Variants in GRM8 observed in about 807,000 individuals in gnomAD.
GRM8 encodes metabotropic glutamate receptor 8.
In GRM8, 47 loss-of-function variants were observed where a neutral mutation model predicts 87.2. The ratio of observed to expected loss-of-function variants is 0.54; its 90% CI spans 0.43 to 0.69. GRM8 has a LOEUF of 0.69. Ranked by LOEUF, GRM8 falls within the 30% of genes least tolerant of loss-of-function variation. The probability of loss-of-function intolerance (pLI) is 0.00; values close to 1 mark genes in which losing one functional copy is unlikely to be tolerated. For missense variants in GRM8, 1,019 were observed against 1,139.2 expected, an observed-to-expected ratio of 0.89 and a Z score of 1.52; for synonymous variants, 396 against 404.5, an observed-to-expected ratio of 0.98 and a Z score of 0.25.
At chr7:126,500,466 T>A (rs897058283) in intron 9 of GRM8, among the ~76,000 whole-genome samples, 1 of 151,936 alleles carries the variant, frequency 6.6e-6, no homozygotes, top group Non-Finnish European at 1.5e-5. Context: ...TCAATTCCTG[T>A]CATCCTCCTA....
At chr7:126,689,450 A>G (rs1808556109) in intron 7 of GRM8, among the ~76,000 whole-genome samples, 1 of 152,238 alleles carries the variant, frequency 6.6e-6, no homozygotes, top group African/African-American at 2.4e-5. Flanking sequence ...TACATGGCTA[A>G]TAGAAGAAAA....
At chr7:126,622,095 T>C (rs12538796) in intron 7 of GRM8, among the ~76,000 whole-genome samples, 48,691 of 152,064 alleles carry the variant, frequency 0.32, 8,433 homozygotes, top group East Asian at 0.43. Flanking sequence ...CCCAAGAAGC[T>C]GAACATTGTT....
chr7:126,876,937 TA>T (rs34353722), intron 6 of GRM8, among the ~76,000 whole-genome samples: 250 of 147,024 alleles, frequency 1.7e-3, no homozygotes, highest in African/African-American at 4.5e-3. Context: ...ACAAACTCTT[TA>T]AAAAAAAAAA....
chr7:127,151,115 C>T (rs2133314628), intron 2 of GRM8, among the ~76,000 whole-genome samples: 1 of 152,088 alleles, frequency 6.6e-6, no homozygotes, highest in South Asian at 2.1e-4. Flanking sequence ...CTCCTTGGTA[C>T]ACAAGGACTC....
At chr7:127,057,989 T>C (rs1334133197) in intron 3 of GRM8, 3 of 282,044 alleles carry the variant, frequency 1.1e-5, no homozygotes, top group African/African-American at 7.0e-5. Flanking sequence ...CTGTAATTTA[T>C]AGTTCAGCTG....
At chr7:126,653,405 C>T (rs1242389941) in intron 7 of GRM8, among the ~76,000 whole-genome samples, 1 of 151,606 alleles carries the variant, frequency 6.6e-6, no homozygotes, top group Non-Finnish European at 1.5e-5. Context: ...CAGAAATGGC[C>T]AAATAAGTGG....
intron 7 of GRM8, among the ~76,000 whole-genome samples, chr7:126,666,309 T>C (rs1022009191): frequency 2.0e-5 from 3 of 152,170 alleles, no homozygotes; most frequent in Non-Finnish European, 2.9e-5. Context: ...TAATAGCAGA[T>C]ATTGAGATGA....
rs80123533 is a variant in GRM8, at chr7:126,457,332, G to T, written c.2431-10960C>A. Among the ~76,000 whole-genome samples the T allele has an allele frequency of 4.0e-3, 603 of 151,398 alleles. 4 individuals carry two copies. Among genetic ancestry groups the T allele is most frequent in the African/African-American group, 0.013 (558 of 41,422 alleles). On this transcript the variant is annotated intron_variant, in intron 9 of 10. Coordinates refer to ENST00000339582, the MANE Select transcript of GRM8 (RefSeq NM_000845.3). ...ATGAATCTTAAGTCCTAGAAAGAAA[G>T]GAGAGATATAATAGATAAAAAGAAA...
intron 7 of GRM8, among the ~76,000 whole-genome samples, chr7:126,631,543 G>T (rs957092305): frequency 1.2e-4 from 18 of 151,534 alleles, no homozygotes; most frequent in African/African-American, 4.1e-4. Context: ...TCTTAAAATT[G>T]ATATTAAAAA....
At chr7:127,180,352 A>G (rs1378900070) in intron 2 of GRM8, among the ~76,000 whole-genome samples, 6 of 152,078 alleles carry the variant, frequency 3.9e-5, no homozygotes, top group Non-Finnish European at 4.4e-5. Context: ...TTGAAATGGT[A>G]ATTTTTAAAT....
intron 2 of GRM8, among the ~76,000 whole-genome samples, chr7:127,241,652 G>T (rs1400798729): frequency 3.3e-5 from 5 of 152,000 alleles, no homozygotes; most frequent in African/African-American, 1.2e-4. Flanking sequence ...AGCCAGGATG[G>T]TCTCAATCTC....
intron 8 of GRM8, among the ~76,000 whole-genome samples, chr7:126,568,349 G>A (rs1794418730): frequency 6.6e-6 from 1 of 152,172 alleles, no homozygotes; most frequent in Admixed American, 6.5e-5. Flanking sequence ...TTCCACATAA[G>A]CCATTACTTT....
chr7:127,241,646 A>G (rs1798309735), intron 2 of GRM8, among the ~76,000 whole-genome samples: 1 of 152,130 alleles, frequency 6.6e-6, no homozygotes, highest in Non-Finnish European at 1.5e-5. Context: ...CGTGTTAGCC[A>G]GGATGGTCTC....
chr7:126,819,875 T>C (rs950791), intron 6 of GRM8, among the ~76,000 whole-genome samples: 144,367 of 152,042 alleles, frequency 0.95, 68,605 homozygotes, highest in East Asian at 1. Context: ...ATCAGCTTTT[T>C]CAATTAAAAA....
At chr7:127,200,127 A>G (rs924447129) in intron 2 of GRM8, among the ~76,000 whole-genome samples, 7 of 152,202 alleles carry the variant, frequency 4.6e-5, no homozygotes, top group African/African-American at 1.2e-4. Flanking sequence ...GGAGAATTCC[A>G]TTATAAAAAT....
intron 3 of GRM8, among the ~76,000 whole-genome samples, chr7:126,942,263 C>T (rs760992299): frequency 2.6e-5 from 4 of 152,182 alleles, no homozygotes; most frequent in Non-Finnish European, 5.9e-5. Flanking sequence ...GAAATACTTG[C>T]CGTGTGGTCC....
chr7:126,926,345 A>T (rs1805118214), intron 3 of GRM8, among the ~76,000 whole-genome samples: 1 of 152,052 alleles, frequency 6.6e-6, no homozygotes, highest in African/African-American at 2.4e-5. Context: ...TACACCCCTC[A>T]CTGTGCTTAA....
chr7:126,727,126 C>A (rs1290989606), intron 7 of GRM8, among the ~76,000 whole-genome samples: 2 of 150,930 alleles, frequency 1.3e-5, no homozygotes, highest in Non-Finnish European at 3.0e-5. Flanking sequence ...ATATTTAAAC[C>A]AAATATTTAA....
At chr7:126,702,780 T>C (rs1229711767) in intron 7 of GRM8, among the ~76,000 whole-genome samples, 1 of 152,110 alleles carries the variant, frequency 6.6e-6, no homozygotes, top group Non-Finnish European at 1.5e-5. Context: ...TTCTAAAAAA[T>C]TGTAAGCACT....
Sources: allele counts gnomAD v4.1 joint callset (sites outside exome capture counted in the v4.1 genomes callset), GRCh38; gene constraint gnomAD v4.1.1; transcripts MANE v1.5; gene names NCBI Gene and HGNC (gene_info 2026-07-23, HGNC 2026-07-21).